The following A2M variants were observed in gnomAD, a reference collection of about 807,000 sequenced individuals.
A2M encodes C3 and PZP-like alpha-2-macroglobulin domain-containing protein 5.
Under a neutral mutation model 183.9 loss-of-function variants are expected in A2M, and 128 were observed. The observed-to-expected ratio is 0.70, with a 90% CI of 0.60 to 0.81. A2M has a LOEUF of 0.81. Among genes scored for constraint, A2M ranks in the 30% least tolerant of loss-of-function variants. A2M has a pLI of 0.00. For missense variants in A2M, 1,495 were observed against 1,787.6 expected, an observed-to-expected ratio of 0.84 and a Z score of 2.95; for synonymous variants, 592 against 670.8, an observed-to-expected ratio of 0.88 and a Z score of 1.81.
chr12:9,089,092 G>T, intron 22 of A2M, 108 bp downstream of exon 22: 1 of 866,488 alleles, frequency 1.2e-6, no homozygotes, highest in Non-Finnish European at 1.8e-6. Context: ...CATTGATGGT[G>T]CTTCAGGTCT....
chr12:9,084,664 A>G (rs138467122), intron 22 of A2M, among the ~76,000 whole-genome samples: 164 of 152,330 alleles, frequency 1.1e-3, no homozygotes, highest in Non-Finnish European at 1.9e-3. Flanking sequence ...GGTAGTACCA[A>G]GTCATTTTTA....
At chr12:9,100,276 A>G (rs1037484882) in intron 13 of A2M, among the ~76,000 whole-genome samples, 2 of 152,202 alleles carry the variant, frequency 1.3e-5, no homozygotes, top group African/African-American at 2.4e-5. Context: ...TATATACAAC[A>G]TACCTTGAAA....
intron 12 of A2M, 39 bp downstream of exon 12, chr12:9,101,408 T>C: frequency 6.5e-7 from 1 of 1,537,398 alleles, no homozygotes; most frequent in Admixed American, 1.8e-5. Flanking sequence ...AGAGAGCTTT[T>C]GTCTACAGTG....
chr12:9,107,550 C>T lies in A2M; in HGVS notation c.853G>A (p.Ala285Thr), dbSNP rs760977693. The T allele has an allele frequency of 1.2e-5, 19 of 1,613,834 alleles. No individual in the cohort carries two copies. The highest frequency in any genetic ancestry group is 1.5e-5 in the Non-Finnish European group (18 of 1,179,864). Residue 285 changes from alanine to threonine, a missense_variant, in exon 8 of 36, where the codon GCT becomes ACT. Transcript: ENST00000318602. ...TGTCCACTGAATTTCTCACAGAAAG[C>T]CTGTGAATCTTCACCGTGGCAGTCG... ...ASDCHGEDSQAFCEKFSGQLN... is the reference protein window; with the variant it reads ...ASDCHGEDSQTFCEKFSGQLN...
chr12:9,089,936 C>T lies in A2M; in HGVS notation c.2684G>A (p.Arg895Lys), dbSNP rs2137784085. Residue 895 changes from arginine (R) to lysine (K), a missense_variant, in exon 21 of 36, where the codon AGG (arginine) becomes AAG (lysine). Physicochemically the swap from Arg to Lys is conservative, Grantham distance 26. Transcript: ENST00000318602. ...CAGAGGCTTGATGACTGTGTCTTTCCTTCCGTGTTCAGGAACTGAAGGCAC... is the reference window on the plus strand; with the variant it reads ...CAGAGGCTTGATGACTGTGTCTTTCTTTCCGTGTTCAGGAACTGAAGGCAC... Reference protein sequence around the residue: ...TEVPSVPEHGRKDTVIKPLLV... With the variant: ...TEVPSVPEHGKKDTVIKPLLV... 6.2e-7 allele frequency: 1 copy of T among 1,611,796 alleles called. No homozygotes were observed. Among genetic ancestry groups the T allele is most frequent in the African/African-American group, 1.3e-5 (1 of 74,924 alleles).
chr12:9,097,106 T>A (rs1949404103), intron 15 of A2M, among the ~76,000 whole-genome samples: 1 of 152,188 alleles, frequency 6.6e-6, no homozygotes, highest in African/African-American at 2.4e-5. Flanking sequence ...GTTGTTATAA[T>A]TTGAAAAATT....
intron 11 of A2M, among the ~76,000 whole-genome samples, chr12:9,102,207 G>GCT (rs1937919751): frequency 6.6e-6 from 1 of 152,094 alleles, no homozygotes. Flanking sequence ...GCTATCTTAG[G>GCT]CTGATTGCTA....
intron 22 of A2M, among the ~76,000 whole-genome samples, chr12:9,086,590 G>T (rs1396833919): frequency 6.6e-6 from 1 of 152,128 alleles, no homozygotes; most frequent in Non-Finnish European, 1.5e-5. Flanking sequence ...AGAATTCAAT[G>T]CTCTTTTATG....
At chr12:9,103,146 A>G (rs1400881166) in intron 11 of A2M, among the ~76,000 whole-genome samples, 3 of 152,202 alleles carry the variant, frequency 2.0e-5, no homozygotes, top group African/African-American at 7.2e-5. Flanking sequence ...ATATATATTT[A>G]AAACTAAATG....
Position 9,098,601 on chromosome 12 carries a change from A to G in A2M, c.1851+6T>C, listed in dbSNP as rs1426950065. The G allele has an allele frequency of 1.3e-6, 2 of 1,592,340 alleles. No individual in the cohort carries two copies. Among genetic ancestry groups the G allele is most frequent in the Non-Finnish European group, 1.7e-6 (2 of 1,169,804 alleles). On this transcript the variant is annotated splice_donor_region_variant and intron_variant, in intron 15 of 35. Transcript: ENST00000318602. Reference sequence around the variant, plus strand: ...TTCTTGATTCCTGAGGCTGCCAGGAACTCACCGAGGACGCCGAGAGCTCAG... The same window carrying G: ...TTCTTGATTCCTGAGGCTGCCAGGAGCTCACCGAGGACGCCGAGAGCTCAG...
chr12:9,109,534 C>G (rs777666168), intron 6 of A2M, 129 bp from the exon 7 acceptor site: 5 of 695,518 alleles, frequency 7.2e-6, no homozygotes, highest in East Asian at 5.4e-5. Flanking sequence ...GCTCTCCAAT[C>G]TATTCTTATC....
chr12:9,106,274 C>T lies in A2M; in HGVS notation c.1066G>A (p.Asp356Asn), dbSNP rs747714396. The part of the protein sequence containing the change: ...TITKLSFVKV[D>N]SHFRQGIPFF... ...GGAATTCCCTGTCGAAAGTGTGAGT[C>T]CACTTTCACAAATGAGAGTTTGGTT... Residue 356 changes from aspartate to asparagine, a missense_variant, in exon 10 of 36, where the codon GAC (aspartate) becomes AAC (asparagine). Coordinates refer to ENST00000318602, the MANE Select transcript of A2M (RefSeq NM_000014.6). 2.5e-6 allele frequency: 4 copies of T among 1,612,682 alleles called. No homozygotes were observed. The highest frequency in any genetic ancestry group is 3.4e-6 in the Non-Finnish European group (4 of 1,178,744).
intron 25 of A2M, 42 bp downstream of exon 25, chr12:9,079,202 C>G: frequency 1.3e-6 from 2 of 1,490,024 alleles, no homozygotes. Context: ...TGTAAAAGAG[C>G]TGGCACACAA....
intron 22 of A2M, among the ~76,000 whole-genome samples, chr12:9,085,874 C>T (rs534597319): frequency 1.3e-5 from 2 of 151,680 alleles, no homozygotes; most frequent in Non-Finnish European, 2.9e-5. Context: ...TAAGTATACA[C>T]CAATAAATTG....
At chr12:9,096,005 C>T (rs949489720) in intron 15 of A2M, among the ~76,000 whole-genome samples, 2 of 151,176 alleles carry the variant, frequency 1.3e-5, no homozygotes, top group Admixed American at 6.6e-5. Flanking sequence ...ATGATCCACC[C>T]GCCTCGGCCT....
rs924656986 is a variant in A2M at position 9,090,780 on chromosome 12, C to T, written c.2470-298G>A. ...TTGGTCTGGAACTTTGACCATTCCC[C>T]CGGATCTCCCGGCAGAGGATACAAG... On this transcript the variant is annotated intron_variant, in intron 19 of 35. Coordinates refer to ENST00000318602, the MANE Select transcript of A2M (RefSeq NM_000014.6). Among the ~76,000 whole-genome samples the T allele has an allele frequency of 5.1e-4, 78 of 152,130 alleles. 1 individual carries two copies. Among genetic ancestry groups the T allele is most frequent in the Non-Finnish European group, 1.6e-4 (11 of 68,030 alleles).
Position 9,076,691 on chromosome 12 carries a change from A to T in A2M, c.3532+65T>A, listed in dbSNP as rs1171976436. 10 of 1,545,444 alleles carry T rather than the reference A, an allele frequency of 6.5e-6. No homozygotes were observed. The East Asian group carries it at 2.3e-4, about 35-fold the overall frequency. ...GGATCACAGGAGGTAGGAGTGAGGG[A>T]TTTTTGCCATGCAGTTCTTGATACA... On this transcript the variant is annotated intron_variant, in intron 28 of 35. Transcript: ENST00000318602.
intron 15 of A2M, among the ~76,000 whole-genome samples, chr12:9,097,995 T>C (rs1209838212): frequency 6.6e-6 from 1 of 152,240 alleles, no homozygotes; most frequent in Non-Finnish European, 1.5e-5. Context: ...TGCAGGTATA[T>C]GTATCACTTT....
At chr12:9,111,400 AGAG>A in intron 4 of A2M, 1 of 393,940 alleles carries the variant, frequency 2.5e-6, no homozygotes, top group East Asian at 7.9e-5. Flanking sequence ...CATTTTAGAC[AGAG>A]GAGTGAAAGT....
Sources: gnomAD v4.1 joint callset for allele counts (sites outside exome capture counted in the v4.1 genomes callset) on GRCh38, gnomAD v4.1.1 for gene constraint, MANE v1.5 for transcripts, NCBI Gene and HGNC (gene_info 2026-07-23, HGNC 2026-07-21) for gene names.